The following MAPKAPK5 variants were observed in gnomAD, a reference collection of about 807,000 sequenced individuals.
The protein encoded by MAPKAPK5 is MAP kinase-activated protein kinase 5.
MAPKAPK5 carries 30 observed loss-of-function variants against 65.1 expected under a neutral mutation model. The observed-to-expected ratio is 0.46, with a 90% CI of 0.34 to 0.63. The LOEUF is 0.63. Ranked by LOEUF, MAPKAPK5 falls within the 20% of genes least tolerant of loss-of-function variation. MAPKAPK5 has a pLI of 0.01. For missense variants in MAPKAPK5, 433 were observed against 581.4 expected (o/e 0.74, Z 2.63); for synonymous variants, 179 against 204.6 (o/e 0.87, Z 1.07).
chr12:111,888,535 C>G lies in MAPKAPK5; in HGVS notation c.1017C>G (p.Asn339Lys), dbSNP rs374501499. Residue 339 changes from asparagine (N) to lysine (K), a missense_variant, in exon 11 of 14, where the codon AAC becomes AAG. Physicochemically the swap from Asn to Lys is moderately conservative, Grantham distance 94 (BLOSUM62 0). This residue lies in a region of MAPKAPK5 where 169 missense variants were observed against 215.6 expected (regional missense o/e 0.78). Coordinates refer to ENST00000550735, the MANE Select transcript of MAPKAPK5 (RefSeq NM_003668.4). ...AGGCTCACGCGGAACAGTTGGCCAA[C>G]ATGAGAATCCAGGATCTGAAAGTCA... Reference protein sequence around the residue: ...IQQAHAEQLANMRIQDLKVSL... With the variant: ...IQQAHAEQLAKMRIQDLKVSL... 1.9e-5 allele frequency: 30 copies of G among 1,613,872 alleles called. No individual in the cohort carries two copies. Among genetic ancestry groups the G allele is most frequent in the Middle Eastern group, 1.6e-4 (1 of 6,084 alleles).
At chr12:111,880,718 C>T (rs576852512) in intron 8 of MAPKAPK5, among the ~76,000 whole-genome samples, 191 bp downstream of exon 8, 4 of 152,124 alleles carry the variant, frequency 2.6e-5, no homozygotes, top group Non-Finnish European at 5.9e-5. Flanking sequence ...AGATAAGGTT[C>T]AGCCAGACTC....
intron 7 of MAPKAPK5, 35 bp from the exon 8 acceptor site, chr12:111,880,412 C>T: frequency 9.6e-6 from 15 of 1,562,852 alleles, no homozygotes; most frequent in Non-Finnish European, 1.2e-5. Context: ...GTGTGATTTT[C>T]ATTAAATGGT....
At chr12:111,882,434 G>A (rs754106651) in intron 8 of MAPKAPK5, among the ~76,000 whole-genome samples, 11 of 152,160 alleles carry the variant, frequency 7.2e-5, no homozygotes, top group Non-Finnish European at 1.6e-4. Flanking sequence ...CAGCCTTTAT[G>A]CAGAGCACCG....
At chr12:111,878,451 T>G (rs2070074911) in intron 7 of MAPKAPK5, among the ~76,000 whole-genome samples, 1 of 152,102 alleles carries the variant, frequency 6.6e-6, no homozygotes, top group Non-Finnish European at 1.5e-5. Flanking sequence ...AGACGGAGTC[T>G]CACTCTGTTG....
chr12:111,860,984 C>T (rs1340151968), intron 1 of MAPKAPK5, among the ~76,000 whole-genome samples: 4 of 151,550 alleles, frequency 2.6e-5, no homozygotes, highest in Non-Finnish European at 4.4e-5. Context: ...CACGGTGAAA[C>T]CCTGTCTCCA....
chr12:111,868,645 AC>A lies in MAPKAPK5; in HGVS notation c.285-107del, dbSNP rs1444712940. ...CCCTGGACTTAGGAAGTTGTTACAC[AC>A]TTTGTAGATGCAGTATCTTTAGGTC... On this transcript the variant is annotated intron_variant, in intron 4 of 13. Coordinates refer to ENST00000550735, the MANE Select transcript of MAPKAPK5 (RefSeq NM_003668.4). 4 of 819,466 alleles carry A rather than the reference AC, an allele frequency of 4.9e-6. No homozygotes were observed. In the East Asian group the frequency reaches 1.1e-4, roughly 23 times the overall value. 50.8% of individuals were successfully genotyped at this position (819,466 alleles called of 1,614,324 possible).
chr12:111,844,483 G>A (rs577722153), intron 1 of MAPKAPK5, among the ~76,000 whole-genome samples: 35 of 152,318 alleles, frequency 2.3e-4, no homozygotes, highest in African/African-American at 5.8e-4. Context: ...GAGCCACCGC[G>A]CCCAGCCTTG....
At position 111,868,708 on chromosome 12, in the gene MAPKAPK5, C is replaced by CTTT. The variant is rs75586211; in HGVS notation, c.285-33_285-31dup. On this transcript the variant is annotated intron_variant, in intron 4 of 13. Coordinates refer to ENST00000550735, the MANE Select transcript of MAPKAPK5 (RefSeq NM_003668.4). Reference sequence around the variant, plus strand: ...GTTTCAGGGTTTTTTGTTTCTTTTTCTTTTTTTTTTTTTTAACTTAACAAA... The same window carrying CTTT: ...GTTTCAGGGTTTTTTGTTTCTTTTTCTTTTTTTTTTTTTTTTTAACTTAACAAA... The CTTT allele has an allele frequency of 6.2e-3, 7,991 of 1,281,164 alleles. 8 individuals are homozygous for CTTT. Among genetic ancestry groups the CTTT allele is most frequent in the South Asian group, 7.0e-3 (499 of 70,864 alleles). 79.4% of individuals were successfully genotyped at this position (1,281,164 alleles called of 1,614,324 possible).
chr12:111,852,653 A>G (rs1308929544), intron 1 of MAPKAPK5, among the ~76,000 whole-genome samples: 1 of 152,186 alleles, frequency 6.6e-6, no homozygotes, highest in Non-Finnish European at 1.5e-5. Context: ...TTCAAGGGTC[A>G]AGTATATTAT....
At chr12:111,846,988 C>T (rs2068925044) in intron 1 of MAPKAPK5, among the ~76,000 whole-genome samples, 1 of 152,062 alleles carries the variant, frequency 6.6e-6, no homozygotes, top group Non-Finnish European at 1.5e-5. Context: ...TTCAGGCATC[C>T]ACTGGAGGTC....
rs1400757454 is a variant in MAPKAPK5, at chr12:111,897,468, G to A, written c.*4407G>A. On this transcript the variant is annotated 3_prime_UTR_variant, in exon 14 of 14. Coordinates refer to ENST00000550735, the MANE Select transcript of MAPKAPK5 (RefSeq NM_003668.4). Reference sequence around the variant, plus strand: ...ATTTCATTTTAATTATTTATTTAAAGAGTAGAGTGTTCTTCCATTATTGAA... The same window carrying A: ...ATTTCATTTTAATTATTTATTTAAAAAGTAGAGTGTTCTTCCATTATTGAA... 1 of 152,198 alleles carries A rather than the reference G, an allele frequency of 6.6e-6. No individual in the cohort carries two copies. Among genetic ancestry groups the A allele is most frequent in the African/African-American group, 2.4e-5 (1 of 41,450 alleles). The allele number at this position is 152,198 out of a possible 1,614,324, so 9.4% of individuals were successfully genotyped here. A position where few individuals can be genotyped will look rare whatever the true frequency, so the allele number is the denominator to read the frequency against.
Position 111,893,056 on chromosome 12 carries a change from C to T in MAPKAPK5, c.1411C>T (p.Gln471Ter). The T allele has an allele frequency of 6.4e-7, 1 of 1,567,738 alleles. No individual in the cohort carries two copies. The highest frequency in any genetic ancestry group is 8.7e-7 in the Non-Finnish European group (1 of 1,155,692). Residue 471 changes from glutamine to a stop codon, truncating the protein, a stop_gained, in exon 14 of 14, where the codon CAA becomes TAA. Transcript: ENST00000550735. LOFTEE classifies it high-confidence loss of function. The part of the protein sequence containing the change: ...IEEQTTSHES[Q>*] ...AGAGCAAACCACGTCCCACGAATCC[C>T]AATAATGACAGCTTCAGACTTTGTT...
At chr12:111,862,107 T>C (rs1172702631) in intron 1 of MAPKAPK5, among the ~76,000 whole-genome samples, 1 of 146,962 alleles carries the variant, frequency 6.8e-6, no homozygotes, top group African/African-American at 2.7e-5. Flanking sequence ...CATTAAAATA[T>C]GTGAGAAAAT....
chr12:111,851,410 C>G (rs777806756), intron 1 of MAPKAPK5, among the ~76,000 whole-genome samples: 21 of 152,180 alleles, frequency 1.4e-4, no homozygotes, highest in Non-Finnish European at 2.5e-4. Context: ...ACTTCAACCT[C>G]TGCCTCCCAG....
Position 111,886,083 on chromosome 12 carries a change from A to G in MAPKAPK5, c.969+47A>G, listed in dbSNP as rs768907211. The stretch of plus-strand genomic sequence containing the variant: ...GTTGGCTGAAAAGACTGTGTTGGGA[A>G]GGAATGCTGGGGCTTGGCTCAGTGA... On this transcript the variant is annotated intron_variant, in intron 10 of 13. Coordinates refer to ENST00000550735, the MANE Select transcript of MAPKAPK5 (RefSeq NM_003668.4). The G allele has an allele frequency of 1.9e-6, 3 of 1,613,340 alleles. No homozygotes were observed. In the East Asian group the frequency reaches 6.7e-5, roughly 36 times the overall value.
At chr12:111,849,319 G>A (rs774039408) in intron 1 of MAPKAPK5, among the ~76,000 whole-genome samples, 26 of 149,198 alleles carry the variant, frequency 1.7e-4, no homozygotes, top group Non-Finnish European at 3.4e-4. Context: ...GCAATGGCAC[G>A]ATCTTGGCTC....
intron 11 of MAPKAPK5, 56 bp from the exon 12 acceptor site, chr12:111,888,829 C>T (rs2070502078): frequency 3.1e-6 from 5 of 1,599,094 alleles, no homozygotes. Flanking sequence ...AATATCTGTC[C>T]AGAGTTGGTT....
intron 7 of MAPKAPK5, among the ~76,000 whole-genome samples, chr12:111,875,764 C>A (rs1023006835): frequency 6.6e-6 from 1 of 152,122 alleles, no homozygotes; most frequent in Non-Finnish European, 1.5e-5. Context: ...TCGCTGAATT[C>A]TTTTTACCCA....
At chr12:111,864,048 T>G (rs1443820018) in intron 1 of MAPKAPK5, among the ~76,000 whole-genome samples, 3 of 152,060 alleles carry the variant, frequency 2.0e-5, no homozygotes, top group Non-Finnish European at 4.4e-5. Context: ...GCAGGAGGAT[T>G]GCTTGAAGTC....
Sources: allele counts gnomAD v4.1 joint callset (sites outside exome capture counted in the v4.1 genomes callset), GRCh38; gene constraint gnomAD v4.1.1; regional missense constraint gnomAD v4.1.1; transcripts MANE v1.5; gene names NCBI Gene and HGNC (gene_info 2026-07-23, HGNC 2026-07-21).